The following LINGO2 variants were observed in gnomAD, a reference collection of about 807,000 sequenced individuals.
LINGO2 encodes the protein leucine rich repeat and Ig domain containing 2, also known as leucine-rich repeat and immunoglobulin-like domain-containing nogo receptor-interacting protein 2.
A neutral mutation model predicts 30.6 loss-of-function variants in LINGO2; 14 were observed. That is an observed-to-expected ratio of 0.46 (90% CI 0.30 to 0.72). LINGO2 has a LOEUF of 0.72. Among genes scored for constraint, LINGO2 ranks in the 30% least tolerant of loss-of-function variants. The probability of loss-of-function intolerance (pLI) is 0.07; values close to 1 mark genes in which losing one functional copy is unlikely to be tolerated. For missense variants in LINGO2, 729 were observed against 751.7 expected, an observed-to-expected ratio of 0.97 and a Z score of 0.35; for synonymous variants, 317 against 288.5, an observed-to-expected ratio of 1.10 and a Z score of -1.00.
intron 5 of LINGO2, among the ~76,000 whole-genome samples, chr9:27,968,340 A>G (rs1001238668): frequency 6.6e-6 from 1 of 152,080 alleles, no homozygotes; most frequent in African/African-American, 2.4e-5. Flanking sequence ...TGTATTATTC[A>G]TGACTCATGG....
rs543537521 is a variant in LINGO2, at chr9:28,521,570, A to C, written c.-364-45545T>G. Among the ~76,000 whole-genome samples, 37 of 152,300 alleles carry C rather than the reference A, an allele frequency of 2.4e-4. 1 individual carries two copies. In the South Asian group the frequency reaches 7.2e-3, roughly 30 times the overall value. ...TCTGAAAAATGTAGAATGACTAACAAAGTTGGGGGAAAATCCCCATAATTT... is the reference window on the plus strand; with the variant it reads ...TCTGAAAAATGTAGAATGACTAACACAGTTGGGGGAAAATCCCCATAATTT... On this transcript the variant is annotated intron_variant, in intron 1 of 5. Transcript: ENST00000379992.
chr9:29,107,238 A>G, the LINGO2 span, among the ~76,000 whole-genome samples: 1 of 152,186 alleles, frequency 6.6e-6, no homozygotes, highest in Non-Finnish European at 1.5e-5. Flanking sequence ...AAATTATGCA[A>G]TCATACTTAC....
chr9:28,025,001 T>G (rs1185833765), intron 4 of LINGO2, among the ~76,000 whole-genome samples: 1 of 152,222 alleles, frequency 6.6e-6, no homozygotes, highest in Non-Finnish European at 1.5e-5. Flanking sequence ...GATCATTGTT[T>G]ATTATGGCTC....
At position 28,433,966 on chromosome 9, in the gene LINGO2, T is replaced by TATATATATATATATATATATATAC. The variant is rs752778212; in HGVS notation, c.-279+41973_-279+41974insGTATATATATATATATATATATAT. ...CTCTCTCTCTATATATATATATATA[T>TATATATATATATATATATATATAC]ACACACACACACATGAAAATACTAC... On this transcript the variant is annotated intron_variant, in intron 2 of 5. Transcript: ENST00000379992. Among the ~76,000 whole-genome samples, 481 of 99,214 alleles carry TATATATATATATATATATATATAC rather than the reference T, an allele frequency of 4.8e-3. 26 individuals are homozygous for TATATATATATATATATATATATAC. The highest frequency in any genetic ancestry group is 9.6e-3 in the Admixed American group (82 of 8,520). The allele number at this position is 99,214 out of a possible 152,430, so 65.1% of individuals were successfully genotyped here.
At chr9:28,577,259 C>T (rs1166463833) in intron 1 of LINGO2, among the ~76,000 whole-genome samples, 1 of 152,120 alleles carries the variant, frequency 6.6e-6, no homozygotes, top group Non-Finnish European at 1.5e-5. Context: ...CTTTAAGTAA[C>T]ATCACTATTA....
At chr9:28,870,234 A>C in the LINGO2 span, among the ~76,000 whole-genome samples, 1 of 152,084 alleles carries the variant, frequency 6.6e-6, no homozygotes, top group Non-Finnish European at 1.5e-5. Flanking sequence ...AAATCCACAA[A>C]GTTTATTACG....
At chr9:28,894,925 C>T in the LINGO2 span, among the ~76,000 whole-genome samples, 1 of 152,042 alleles carries the variant, frequency 6.6e-6, no homozygotes, top group African/African-American at 2.4e-5. Flanking sequence ...TTATAGTCAT[C>T]AAGCTATACA....
the LINGO2 span, among the ~76,000 whole-genome samples, chr9:28,898,235 A>G: frequency 6.6e-6 from 1 of 152,210 alleles, no homozygotes; most frequent in African/African-American, 2.4e-5. Flanking sequence ...AAGACAATAG[A>G]CCAAATCACT....
chr9:27,978,082 C>G (rs1238633846), intron 5 of LINGO2, among the ~76,000 whole-genome samples: 1 of 152,002 alleles, frequency 6.6e-6, no homozygotes, highest in Non-Finnish European at 1.5e-5. Flanking sequence ...GCCTCTCGGA[C>G]CTGCTTATAC....
the LINGO2 span, among the ~76,000 whole-genome samples, chr9:28,702,398 T>C: frequency 1.3e-5 from 2 of 151,888 alleles, no homozygotes; most frequent in African/African-American, 2.4e-5. Flanking sequence ...GTTTTTCTGC[T>C]TTAGCCTTTT....
the LINGO2 span, among the ~76,000 whole-genome samples, chr9:28,987,522 C>G: frequency 6.6e-6 from 1 of 151,602 alleles, no homozygotes; most frequent in African/African-American, 2.4e-5. Flanking sequence ...TATTATTTTT[C>G]TAGTCCGTAT....
At chr9:29,139,863 T>C in the LINGO2 span, among the ~76,000 whole-genome samples, 2 of 151,828 alleles carry the variant, frequency 1.3e-5, no homozygotes, top group Non-Finnish European at 2.9e-5. Flanking sequence ...AGAAAGCTGA[T>C]TGGGGACCAC....
intron 4 of LINGO2, among the ~76,000 whole-genome samples, chr9:28,028,221 A>C: frequency 6.6e-6 from 1 of 152,218 alleles, no homozygotes; most frequent in East Asian, 1.9e-4. Flanking sequence ...AAGAGCTTAT[A>C]TTGAACAGAA....
At chr9:28,412,502 G>T (rs2383766) in intron 2 of LINGO2, among the ~76,000 whole-genome samples, 45,769 of 151,908 alleles carry the variant, frequency 0.3, 7,162 homozygotes, top group Non-Finnish European at 0.32. Context: ...GCAGATGATA[G>T]GATCTTACAT....
At chr9:28,298,009 T>A (rs1309718593) in intron 3 of LINGO2, among the ~76,000 whole-genome samples, 1 of 152,190 alleles carries the variant, frequency 6.6e-6, no homozygotes, top group Non-Finnish European at 1.5e-5. Flanking sequence ...CAAAATTAAA[T>A]GCATGTATTC....
chr9:28,744,340 C>T, the LINGO2 span, among the ~76,000 whole-genome samples: 1 of 151,880 alleles, frequency 6.6e-6, no homozygotes, highest in African/African-American at 2.4e-5. Context: ...ATCTGGAGCC[C>T]TTCAAATGCC....
At chr9:28,901,091 T>A in the LINGO2 span, among the ~76,000 whole-genome samples, 2 of 152,026 alleles carry the variant, frequency 1.3e-5, no homozygotes, top group South Asian at 4.1e-4. Context: ...ATATTATGCA[T>A]AAAAAAGATT....
intron 2 of LINGO2, among the ~76,000 whole-genome samples, chr9:28,454,877 A>G (rs1824786214): frequency 6.6e-6 from 1 of 152,014 alleles, no homozygotes; most frequent in African/African-American, 2.4e-5. Context: ...CTTTAGATAA[A>G]TGAGTTAACA....
At chr9:28,911,647 A>T in the LINGO2 span, among the ~76,000 whole-genome samples, 1 of 152,216 alleles carries the variant, frequency 6.6e-6, no homozygotes, top group South Asian at 2.1e-4. Flanking sequence ...ATAACAAGTG[A>T]TTTTAGATGT....
Sources: allele counts gnomAD v4.1 joint callset (sites outside exome capture counted in the v4.1 genomes callset), GRCh38; gene constraint gnomAD v4.1.1; transcripts MANE v1.5; gene names NCBI Gene and HGNC (gene_info 2026-07-23, HGNC 2026-07-21).